The following BRIP1 variants were observed in gnomAD, a reference collection of about 807,000 sequenced individuals.
BRIP1 encodes the protein Fanconi anemia group J protein.
Under a neutral mutation model 119.7 loss-of-function variants are expected in BRIP1, and 88 were observed. The observed-to-expected ratio is 0.74, with a 90% CI of 0.62 to 0.88. BRIP1 has a LOEUF of 0.88. Ranked by LOEUF, BRIP1 falls within the 40% of genes least tolerant of loss-of-function variation. BRIP1 has a pLI of 0.00. For synonymous variants in BRIP1, 443 were observed against 496.5 expected, an observed-to-expected ratio of 0.89 and a Z score of 1.43; for missense variants, 1,259 against 1,455.4, an observed-to-expected ratio of 0.87 and a Z score of 2.20.
At position 61,831,939 on chromosome 17, in the gene BRIP1, T is replaced by C. The variant is rs1350405243; in HGVS notation, c.627+15162A>G. On this transcript the variant is annotated intron_variant, in intron 6 of 19. Coordinates refer to ENST00000259008, the MANE Select transcript of BRIP1 (RefSeq NM_032043.3). The surrounding 1 kb of genome is among the most constrained non-coding windows in gnomAD (Gnocchi z 4.1). ...TACAGACAGACAGATACAGAAAAAA[T>C]ATAGACATAAATGTATATGTCTATG... Among the ~76,000 whole-genome samples, 2 of 152,040 alleles carry C rather than the reference T, an allele frequency of 1.3e-5. No individual in the cohort carries two copies. The highest frequency in any genetic ancestry group is 4.8e-5 in the African/African-American group (2 of 41,392).
rs1452502819 is a variant in BRIP1 at position 61,856,290 on chromosome 17, C to T, written c.379+768G>A. The stretch of plus-strand genomic sequence containing the variant: ...TCCTTGATTTTAGGAAATGGATACT[C>T]TTTGTTTTGACTTAAGTCAATCATG... On this transcript the variant is annotated intron_variant, in intron 4 of 19. Transcript: ENST00000259008. The surrounding 1 kb of genome is among the most constrained non-coding windows in gnomAD (Gnocchi z 5.1). Among the ~76,000 whole-genome samples the T allele has an allele frequency of 2.6e-5, 4 of 152,164 alleles. No homozygotes were observed. Among genetic ancestry groups the T allele is most frequent in the Non-Finnish European group, 5.9e-5 (4 of 68,020 alleles).
chr17:61,749,854 GTA>G (rs1199186838), intron 14 of BRIP1, among the ~76,000 whole-genome samples: 2 of 152,206 alleles, frequency 1.3e-5, no homozygotes, highest in Admixed American at 6.5e-5. Context: ...TGTTGTCAGT[GTA>G]TAGAAATACA....
chr17:61,765,090 A>G (rs1236729149), intron 14 of BRIP1, among the ~76,000 whole-genome samples: 3 of 151,594 alleles, frequency 2.0e-5, no homozygotes, highest in Non-Finnish European at 1.5e-5. Flanking sequence ...CCCTTACTAG[A>G]TGCTGGCAAC....
chr17:61,779,200 T>C (rs866667264), intron 13 of BRIP1, among the ~76,000 whole-genome samples: 6 of 152,218 alleles, frequency 3.9e-5, no homozygotes, highest in African/African-American at 1.4e-4. Flanking sequence ...AAATACCAGC[T>C]ATTAATCTAG....
chr17:61,683,501 G>A lies in BRIP1; in HGVS notation c.3545C>T (p.Ala1182Val), dbSNP rs2144072329. 6.2e-7 allele frequency: 1 copy of A among 1,613,328 alleles called. No individual in the cohort carries two copies. Among genetic ancestry groups the A allele is most frequent in the Non-Finnish European group, 8.5e-7 (1 of 1,179,794 alleles). The change falls in exon 20 of 20, where the codon GCC (alanine) becomes GTC (valine). Residue 1182 changes from alanine (A) to valine (V), a missense_variant. Coordinates refer to ENST00000259008, the MANE Select transcript of BRIP1 (RefSeq NM_032043.3). This position sits in a 1 kb window ranked among gnomAD's most constrained non-coding sequence, Gnocchi z 4.7. ...GCAATCCTCAGCTTTCACTTCTCTG[G>A]CTGAATCTACTTCTTTTATAGTTCT... ...EIRTIKEVDS[A>V]REVKAEDCID...
Position 61,741,107 on chromosome 17 carries a change from A to G in BRIP1, c.2379+1906T>C, listed in dbSNP as rs141862366. Among the ~76,000 whole-genome samples, 657 of 152,340 alleles carry G rather than the reference A, an allele frequency of 4.3e-3. 3 individuals are homozygous for G. Among genetic ancestry groups the G allele is most frequent in the African/African-American group, 0.015 (619 of 41,592 alleles). On this transcript the variant is annotated intron_variant, in intron 16 of 19. Transcript: ENST00000259008. Reference sequence around the variant, plus strand: ...TAACTCCTTTGTTGTCATTTCAACAATGTTCACAGCATCTTTACTAAGAAT... The same window carrying G: ...TAACTCCTTTGTTGTCATTTCAACAGTGTTCACAGCATCTTTACTAAGAAT...
chr17:61,707,575 T>C (rs9303451), intron 17 of BRIP1, among the ~76,000 whole-genome samples: 152,131 of 152,228 alleles, frequency 1, 76,017 homozygotes, highest in Middle Eastern at 1. Flanking sequence ...TCTTCTTTCC[T>C]GCTTTCTCTT....
In BRIP1 at chr17:61,828,977, T is replaced by C. The variant is rs2145601086; in HGVS notation, c.627+18124A>G. On this transcript the variant is annotated intron_variant, in intron 6 of 19. Transcript: ENST00000259008. This position sits in a 1 kb window ranked among gnomAD's most constrained non-coding sequence, Gnocchi z 4.1. ...AACTCACAAAAATAAAACTAAGAGG[T>C]ATACTTAAGAAGACAGTGGTGAAGG... Among the ~76,000 whole-genome samples, 1 of 152,198 alleles carries C rather than the reference T, an allele frequency of 6.6e-6. No homozygotes were observed. Among genetic ancestry groups the C allele is most frequent in the African/African-American group, 2.4e-5 (1 of 41,544 alleles).
At chr17:61,719,356 C>T (rs918504908) in intron 16 of BRIP1, among the ~76,000 whole-genome samples, 2 of 151,948 alleles carry the variant, frequency 1.3e-5, no homozygotes, top group African/African-American at 4.8e-5. Context: ...GAACTGAGGA[C>T]ACTACCTTAA....
At position 61,706,634 on chromosome 17, in the gene BRIP1, G is replaced by A. The variant is rs933968340; in HGVS notation, c.2492+9317C>T. Reference sequence around the variant, plus strand: ...TTGGTTTTTGAACTTTAGAACTTACGTACTGATTCTCTCCTGTGGAAGATG... The same window carrying A: ...TTGGTTTTTGAACTTTAGAACTTACATACTGATTCTCTCCTGTGGAAGATG... On this transcript the variant is annotated intron_variant, in intron 17 of 19. Coordinates refer to ENST00000259008, the MANE Select transcript of BRIP1 (RefSeq NM_032043.3). This position sits in a 1 kb window ranked among gnomAD's most constrained non-coding sequence, Gnocchi z 5.7. Among the ~76,000 whole-genome samples the A allele has an allele frequency of 6.6e-5, 10 of 151,962 alleles. No homozygotes were observed. Among genetic ancestry groups the A allele is most frequent in the Admixed American group, 6.6e-5 (1 of 15,244 alleles).
intron 14 of BRIP1, among the ~76,000 whole-genome samples, chr17:61,765,384 TATATATATATATATA>T (rs2077342741): frequency 4.5e-5 from 1 of 21,980 alleles, no homozygotes. Flanking sequence ...ATATATTATA[TATATATATATATATA>T]TATATATATA....
chr17:61,811,949 C>G (rs2078168888), intron 6 of BRIP1, among the ~76,000 whole-genome samples: 1 of 151,948 alleles, frequency 6.6e-6, no homozygotes, highest in African/African-American at 2.4e-5. Context: ...AAGATTCCAT[C>G]TCAAAAAATA....
Position 61,775,089 on chromosome 17 carries a change from A to C in BRIP1, c.2097+1312T>G, listed in dbSNP as rs2077513735. ...TATTTGTCTCCATATTTAAGAATTA[A>C]AAGTCCTAAAAATTTTATTAGGTAA... On this transcript the variant is annotated intron_variant, in intron 14 of 19. Coordinates refer to ENST00000259008, the MANE Select transcript of BRIP1 (RefSeq NM_032043.3). The surrounding 1 kb of genome is among the most constrained non-coding windows in gnomAD (Gnocchi z 4.4). Among the ~76,000 whole-genome samples, 1 of 152,186 alleles carries C rather than the reference A, an allele frequency of 6.6e-6. No homozygotes were observed. Among genetic ancestry groups the C allele is most frequent in the South Asian group, 2.1e-4 (1 of 4,830 alleles).
At chr17:61,838,463 G>A (rs980907755) in intron 6 of BRIP1, among the ~76,000 whole-genome samples, 7 of 151,664 alleles carry the variant, frequency 4.6e-5, no homozygotes, top group Non-Finnish European at 1.0e-4. Flanking sequence ...GGAGAACGGT[G>A]TGAACCCAGG....
At chr17:61,771,418 T>A (rs531060965) in intron 14 of BRIP1, among the ~76,000 whole-genome samples, 7 of 152,330 alleles carry the variant, frequency 4.6e-5, no homozygotes, top group South Asian at 2.1e-4. Context: ...GGCATTTCTC[T>A]AAAGAAGATG....
chr17:61,820,511 G>A (rs1486594644), intron 6 of BRIP1, among the ~76,000 whole-genome samples: 1 of 152,184 alleles, frequency 6.6e-6, no homozygotes, highest in African/African-American at 2.4e-5. Context: ...TGACTAGATT[G>A]CCACATTTGG....
Position 61,808,260 on chromosome 17 carries a change from T to C in BRIP1, c.918+207A>G, listed in dbSNP as rs541987506. Reference sequence around the variant, plus strand: ...GAAATTAATTTCAAGGAATTAAATATCCCAAGCTTTAAGACCAAATCCCAT... The same window carrying C: ...GAAATTAATTTCAAGGAATTAAATACCCCAAGCTTTAAGACCAAATCCCAT... On this transcript the variant is annotated intron_variant, in intron 7 of 19. Coordinates refer to ENST00000259008, the MANE Select transcript of BRIP1 (RefSeq NM_032043.3). This position sits in a 1 kb window ranked among gnomAD's most constrained non-coding sequence, Gnocchi z 4.1. Among the ~76,000 whole-genome samples, 4 of 152,272 alleles carry C rather than the reference T, an allele frequency of 2.6e-5. No homozygotes were observed. In the East Asian group the frequency reaches 7.7e-4, roughly 29 times the overall value.
intron 8 of BRIP1, 102 bp downstream of exon 8, chr17:61,801,151 T>C (rs1328100203): frequency 9.7e-7 from 1 of 1,034,252 alleles, no homozygotes; most frequent in East Asian, 2.6e-5. Context: ...TTTATTTACA[T>C]AAATTAAAGC....
rs2061901270 is a variant in BRIP1, at chr17:61,717,667, T to C, written c.2380-1604A>G. Among the ~76,000 whole-genome samples the C allele has an allele frequency of 1.3e-5, 2 of 152,160 alleles. No individual in the cohort carries two copies. The highest frequency in any genetic ancestry group is 4.8e-5 in the African/African-American group (2 of 41,458). ...ATTACAGTGTGCTGTTGTGTGTATT[T>C]TGCTTGCGTTTTTATTAAGCTTCTT... is the stretch of plus-strand genomic sequence containing the variant. On this transcript the variant is annotated intron_variant, in intron 16 of 19. Transcript: ENST00000259008. The surrounding 1 kb of genome is among the most constrained non-coding windows in gnomAD (Gnocchi z 4.1).
Sources: allele counts gnomAD v4.1 joint callset (sites outside exome capture counted in the v4.1 genomes callset), GRCh38; gene constraint gnomAD v4.1.1; non-coding constraint Gnocchi (gnomAD v3.1); transcripts MANE v1.5; gene names NCBI Gene and HGNC (gene_info 2026-07-23, HGNC 2026-07-21).